The following SLC35D2 variants were observed in gnomAD, a reference collection of about 807,000 sequenced individuals.
SLC35D2 encodes nucleotide sugar transporter SLC35D2.
SLC35D2 carries 43 observed loss-of-function variants against 41.8 expected under a neutral mutation model. The ratio of observed to expected loss-of-function variants is 1.03; its 90% confidence interval spans 0.81 to 1.33. SLC35D2 has a LOEUF of 1.33. SLC35D2 is among the 40% of genes most tolerant of loss of function. The pLI, the probability that SLC35D2 is intolerant of heterozygous loss-of-function variation, is 0.00. For missense variants in SLC35D2, 380 were observed against 408.4 expected, an observed-to-expected ratio of 0.93 and a Z score of 0.60; for synonymous variants, 150 against 163.9, an observed-to-expected ratio of 0.92 and a Z score of 0.65.
Position 96,321,163 on chromosome 9 carries a change from C to A in SLC35D2, c.*79G>T, listed in dbSNP as rs1030358051. 1.8e-6 allele frequency: 2 copies of A among 1,107,764 alleles called. No individual in the cohort carries two copies. The highest frequency in any genetic ancestry group is 3.1e-5 in the African/African-American group (2 of 64,130). 68.6% of individuals were successfully genotyped at this position (1,107,764 alleles called of 1,614,324 possible). On this transcript the variant is annotated 3_prime_UTR_variant, in exon 12 of 12. Transcript: ENST00000253270. ...GGGGGTGGATGTCACGAATCCGAAA[C>A]CTCTGGCTTCACATTCCTACTGGGA...
intron 9 of SLC35D2, among the ~76,000 whole-genome samples, chr9:96,325,303 G>A (rs906939349): frequency 6.6e-6 from 1 of 152,196 alleles, no homozygotes; most frequent in Non-Finnish European, 1.5e-5. Flanking sequence ...TCAGATGATG[G>A]AATGTTGAAA....
In SLC35D2 at chr9:96,383,498, T is replaced by C. The variant is rs762591752; in HGVS notation, c.137A>G (p.Lys46Arg). ...TCACCCGTAGGTGGTCAGCAGCGCC[T>C]TGTTGACAAGCACGATGAGGAAGGA... The part of the protein sequence containing the change: ...TCSFLIVLVN[K>R]ALLTTYGFPS... The change falls in exon 1 of 12, where the codon AAG (lysine) becomes AGG (arginine). Residue 46 changes from lysine (K) to arginine (R), a missense_variant. Lys to Arg is a conservative substitution (Grantham distance 26, BLOSUM62 2). Transcript: ENST00000253270. The C allele has an allele frequency of 1.3e-6, 2 of 1,536,126 alleles. No homozygotes were observed. Among genetic ancestry groups the C allele is most frequent in the Non-Finnish European group, 8.8e-7 (1 of 1,140,988 alleles).
chr9:96,372,880 C>T (rs1290728756), intron 1 of SLC35D2, among the ~76,000 whole-genome samples: 1 of 150,608 alleles, frequency 6.6e-6, no homozygotes, highest in African/African-American at 2.4e-5. Context: ...GCAACCATGC[C>T]CGGGTTTTTT....
intron 6 of SLC35D2, among the ~76,000 whole-genome samples, chr9:96,347,196 A>G (rs562771336): frequency 1.3e-5 from 2 of 152,188 alleles, no homozygotes; most frequent in Non-Finnish European, 2.9e-5. Flanking sequence ...TTCAGCGTGA[A>G]GAAGAGCAGA....
chr9:96,360,150 C>A lies in SLC35D2; in HGVS notation c.347+4G>T. ...TTTCCACCAGCCATTATCCTATACT[C>A]TACCTTAATTTACTTGTGCTTGATA... On this transcript the variant is annotated splice_donor_region_variant and intron_variant, in intron 4 of 11. Coordinates refer to ENST00000253270, the MANE Select transcript of SLC35D2 (RefSeq NM_007001.3). 1 of 1,610,098 alleles carries A rather than the reference C, an allele frequency of 6.2e-7. No individual in the cohort carries two copies. The highest frequency in any genetic ancestry group is 8.5e-7 in the Non-Finnish European group (1 of 1,176,800).
intron 9 of SLC35D2, among the ~76,000 whole-genome samples, chr9:96,324,441 G>A (rs1211549591): frequency 2.0e-5 from 3 of 151,998 alleles, no homozygotes; most frequent in African/African-American, 7.3e-5. Context: ...CAACATGGGA[G>A]TAAGGAGAAC....
chr9:96,331,711 C>T (rs796125777), intron 9 of SLC35D2, among the ~76,000 whole-genome samples: 1 of 152,166 alleles, frequency 6.6e-6, no homozygotes, highest in Non-Finnish European at 1.5e-5. Flanking sequence ...AGTCCCCAAG[C>T]CCCAGGCCGC....
chr9:96,345,530 T>A (rs758752443), intron 6 of SLC35D2, 129 bp from the exon 7 acceptor site: 5 of 648,596 alleles, frequency 7.7e-6, no homozygotes, highest in Non-Finnish European at 8.2e-6. Context: ...TTTGTGGTAG[T>A]GAATGATTAA....
chr9:96,363,339 G>A (rs1830356406), intron 3 of SLC35D2, among the ~76,000 whole-genome samples: 1 of 152,092 alleles, frequency 6.6e-6, no homozygotes, highest in Non-Finnish European at 1.5e-5. Context: ...TGCTTCTTTG[G>A]TCTGTCTGAT....
chr9:96,353,092 G>GA (rs150144127), intron 4 of SLC35D2, among the ~76,000 whole-genome samples: 9,910 of 149,910 alleles, frequency 0.066, 435 homozygotes, highest in East Asian at 0.23. Flanking sequence ...ATAATCAAAA[G>GA]AAAAAAAAAC....
chr9:96,381,822 C>T (rs1406162998), intron 1 of SLC35D2, among the ~76,000 whole-genome samples: 5 of 152,158 alleles, frequency 3.3e-5, no homozygotes, highest in African/African-American at 1.2e-4. Flanking sequence ...CCTGCCTTCC[C>T]TGCCTACCTC....
At position 96,320,970 on chromosome 9, in the gene SLC35D2, C is replaced by G. The variant is rs1286031375; in HGVS notation, c.*272G>C. ...GATGCCACGAAGGCCCCATAGGTCC[C>G]TAGAAGAGCAGCTGGGGCTCCACCT... On this transcript the variant is annotated 3_prime_UTR_variant, in exon 12 of 12. Coordinates refer to ENST00000253270, the MANE Select transcript of SLC35D2 (RefSeq NM_007001.3). 3 of 345,632 alleles carry G rather than the reference C, an allele frequency of 8.7e-6. No homozygotes were observed. Among genetic ancestry groups the G allele is most frequent in the Non-Finnish European group, 1.1e-5 (2 of 186,944 alleles). The allele number at this position is 345,632 out of a possible 1,614,324, so 21.4% of individuals were successfully genotyped here. A position where few individuals can be genotyped will look rare whatever the true frequency, so the allele number is the denominator to read the frequency against.
At chr9:96,356,329 T>C (rs1161857631) in intron 4 of SLC35D2, among the ~76,000 whole-genome samples, 1 of 149,736 alleles carries the variant, frequency 6.7e-6, no homozygotes, top group Non-Finnish European at 1.5e-5. Context: ...ACTAACAAAC[T>C]AAGTCACAGA....
Position 96,364,484 on chromosome 9 carries a change from C to G in SLC35D2, c.259G>C (p.Asp87His). ...LNKIIHFPDFDKKIPVKLFPL... is the reference protein window; with the variant it reads ...LNKIIHFPDFHKKIPVKLFPL... Reference sequence around the variant, plus strand: ...CTTACCTTTACAGGAATTTTCTTATCAAAATCAGGGAAGTGAATGATTTTG... The same window carrying G: ...CTTACCTTTACAGGAATTTTCTTATGAAAATCAGGGAAGTGAATGATTTTG... Residue 87 changes from aspartate (D) to histidine (H), a missense_variant, in exon 3 of 12, where the codon GAT becomes CAT. Transcript: ENST00000253270. 6.3e-7 allele frequency: 1 copy of G among 1,590,620 alleles called. No homozygotes were observed. Among genetic ancestry groups the G allele is most frequent in the Admixed American group, 1.7e-5 (1 of 59,798 alleles).
At chr9:96,355,536 G>A (rs191549495) in intron 4 of SLC35D2, among the ~76,000 whole-genome samples, 16 of 150,970 alleles carry the variant, frequency 1.1e-4, no homozygotes, top group African/African-American at 3.2e-4. Context: ...TTCGCTCGTC[G>A]CCCAGGCTGG....
At chr9:96,365,040 CAA>C (rs59249417) in intron 2 of SLC35D2, among the ~76,000 whole-genome samples, 8 of 49,420 alleles carry the variant, frequency 1.6e-4, no homozygotes, top group African/African-American at 3.0e-4. Flanking sequence ...ACCACTGTCT[CAA>C]AAAAAAAAAA....
chr9:96,352,286 C>T (rs1829842732), intron 4 of SLC35D2, among the ~76,000 whole-genome samples, 177 bp from the exon 5 acceptor site: 1 of 151,994 alleles, frequency 6.6e-6, no homozygotes, highest in South Asian at 2.1e-4. Flanking sequence ...TTTCATACCA[C>T]TTTCACTTAG....
At chr9:96,367,219 C>CAAAAAA (rs1171888357) in intron 2 of SLC35D2, among the ~76,000 whole-genome samples, 7 of 70,954 alleles carry the variant, frequency 9.9e-5, no homozygotes, top group African/African-American at 1.7e-4. Context: ...GACTCAGTCA[C>CAAAAAA]AAAAAAAAAA....
intron 10 of SLC35D2, among the ~76,000 whole-genome samples, chr9:96,323,212 C>T (rs1828337576): frequency 6.6e-6 from 1 of 152,090 alleles, no homozygotes; most frequent in Admixed American, 6.6e-5. Flanking sequence ...CAGGTAAACT[C>T]TTGAAGCAGG....
Sources: gnomAD v4.1 joint callset for allele counts (sites outside exome capture counted in the v4.1 genomes callset) on GRCh38, gnomAD v4.1.1 for gene constraint, MANE v1.5 for transcripts, NCBI Gene and HGNC (gene_info 2026-07-23, HGNC 2026-07-21) for gene names.